MYO18B: variants seen among roughly 807,000 people sequenced by gnomAD.
The protein encoded by MYO18B is myosin XVIIIB.
MYO18B carries 204 observed loss-of-function variants against 273.0 expected under a neutral mutation model. The observed-to-expected ratio is 0.75, with a 90% CI of 0.67 to 0.84. MYO18B has a LOEUF of 0.84. MYO18B is among the 40% of genes least tolerant of loss of function. The pLI is 0.00. For missense variants in MYO18B, 3,212 were observed against 3,287.6 expected, an observed-to-expected ratio of 0.98 and a Z score of 0.56; for synonymous variants, 1,330 against 1,305.7, an observed-to-expected ratio of 1.02 and a Z score of -0.40.
Position 25,772,383 on chromosome 22 carries a change from G to T in MYO18B, c.1742G>T (p.Ser581Ile), listed in dbSNP as rs779936983. 1 of 1,614,000 alleles carries T rather than the reference G, an allele frequency of 6.2e-7. No homozygotes were observed. Among genetic ancestry groups the T allele is most frequent in the South Asian group, 1.1e-5 (1 of 91,082 alleles). ...GTCGAGGACCTGGCCTCTCTCATCA[G>T]TGTCAACGAATCCAGTGTCCTGAAC... is the stretch of plus-strand genomic sequence containing the variant. ...DQVEDLASLISVNESSVLNTL... is the reference protein window; with the variant it reads ...DQVEDLASLIIVNESSVLNTL... The change falls in exon 7 of 44, where the codon AGT becomes ATT. Residue 581 changes from serine (S) to isoleucine (I), a missense_variant. Physicochemically the swap from Ser to Ile is moderately radical, Grantham distance 142. Coordinates refer to ENST00000335473, the MANE Select transcript of MYO18B (RefSeq NM_032608.7).
chr22:26,028,602 AGAG>A (rs2147032332), intron 43 of MYO18B: 1 of 152,374 alleles, frequency 6.6e-6, no homozygotes, highest in East Asian at 1.9e-4. Flanking sequence ...CAAGGTAAGA[AGAG>A]GAATTCAGGC....
intron 22 of MYO18B, among the ~76,000 whole-genome samples, chr22:25,871,634 C>T (rs1342232612): frequency 6.6e-6 from 1 of 152,104 alleles, no homozygotes; most frequent in Admixed American, 6.5e-5. Context: ...AGCTGCTGGA[C>T]CCATGAAAAG....
At chr22:25,909,619 T>C (rs2092116703) in intron 32 of MYO18B, among the ~76,000 whole-genome samples, 1 of 152,250 alleles carries the variant, frequency 6.6e-6, no homozygotes, top group Non-Finnish European at 1.5e-5. Context: ...GTGTGTGCCC[T>C]GAGCCAGGGC....
At chr22:25,849,423 A>G (rs1293378523) in intron 20 of MYO18B, among the ~76,000 whole-genome samples, 1 of 152,146 alleles carries the variant, frequency 6.6e-6, no homozygotes, top group Non-Finnish European at 1.5e-5. Flanking sequence ...ATAGATTTGT[A>G]TGCATACACA....
chr22:25,948,869 A>G (rs751100428), intron 36 of MYO18B, among the ~76,000 whole-genome samples: 1 of 152,050 alleles, frequency 6.6e-6, no homozygotes, highest in Admixed American at 6.5e-5. Flanking sequence ...TTCCCAGAGT[A>G]GGTGTCATTT....
At chr22:25,997,956 CAA>C (rs1491573828) in intron 40 of MYO18B, among the ~76,000 whole-genome samples, 186 of 139,806 alleles carry the variant, frequency 1.3e-3, no homozygotes, top group African/African-American at 2.9e-3. Flanking sequence ...CACACACACA[CAA>C]ACACACACAC....
chr22:26,048,195 C>T, the MYO18B span, among the ~76,000 whole-genome samples: 13 of 152,024 alleles, frequency 8.6e-5, no homozygotes, highest in Middle Eastern at 3.2e-3. Context: ...TGTCTGTTTC[C>T]GCTACTACTC....
intron 39 of MYO18B, among the ~76,000 whole-genome samples, chr22:25,966,670 G>A (rs185621684): frequency 1.6e-4 from 25 of 152,294 alleles, no homozygotes; most frequent in African/African-American, 6.0e-4. Flanking sequence ...CATGCTCAGA[G>A]AGCTGACAGG....
intron 17 of MYO18B, among the ~76,000 whole-genome samples, chr22:25,839,995 C>G (rs557866662): frequency 6.6e-6 from 1 of 152,294 alleles, no homozygotes; most frequent in East Asian, 1.9e-4. Context: ...TCAGAGGTCA[C>G]CCTTTAGATA....
intron 41 of MYO18B, among the ~76,000 whole-genome samples, chr22:26,003,521 T>C (rs1934163555): frequency 6.6e-6 from 1 of 152,232 alleles, no homozygotes; most frequent in Admixed American, 6.5e-5. Flanking sequence ...TGCCTTCTCA[T>C]GCTACTGTCC....
At chr22:25,993,850 A>C (rs1932945073) in intron 40 of MYO18B, among the ~76,000 whole-genome samples, 1 of 152,164 alleles carries the variant, frequency 6.6e-6, no homozygotes, top group African/African-American at 2.4e-5. Flanking sequence ...AAGGAAAAAA[A>C]CTGGAAGAAA....
At chr22:25,930,327 G>A (rs1169315156) in intron 34 of MYO18B, among the ~76,000 whole-genome samples, 2 of 151,694 alleles carry the variant, frequency 1.3e-5, no homozygotes, top group African/African-American at 2.4e-5. Context: ...TTAAAGGCAG[G>A]GACTGGGGTG....
At chr22:25,839,239 T>C (rs2090011196) in intron 17 of MYO18B, among the ~76,000 whole-genome samples, 1 of 152,034 alleles carries the variant, frequency 6.6e-6, no homozygotes, top group African/African-American at 2.4e-5. Flanking sequence ...TATGTATGAG[T>C]GTGTTTGTAT....
Position 25,823,513 on chromosome 22 carries a change from A to C in MYO18B, c.2530A>C (p.Lys844Gln). The change falls in exon 13 of 44, where the codon AAG becomes CAG. Residue 844 changes from lysine to glutamine, a missense_variant. Physicochemically the swap from Lys to Gln is moderately conservative, Grantham distance 53 (BLOSUM62 1). Coordinates refer to ENST00000335473, the MANE Select transcript of MYO18B (RefSeq NM_032608.7). ...GAAGACKVGR[K>Q]QFMRFEWANY... ...TTTTGTCCCCTTTGCAGTGGGTCGG[A>C]AGCAGTTCATGAGGTTTGAGTGGGC... 1 of 1,613,844 alleles carries C rather than the reference A, an allele frequency of 6.2e-7. No individual in the cohort carries two copies. The highest frequency in any genetic ancestry group is 8.5e-7 in the Non-Finnish European group (1 of 1,179,828).
chr22:25,933,457 A>G (rs2092536181), intron 34 of MYO18B, among the ~76,000 whole-genome samples: 1 of 151,644 alleles, frequency 6.6e-6, no homozygotes, highest in Non-Finnish European at 1.5e-5. Flanking sequence ...CCTTCCACAC[A>G]GGCCTTTTGT....
chr22:25,842,897 T>A (rs2090126423), intron 17 of MYO18B, among the ~76,000 whole-genome samples: 1 of 152,160 alleles, frequency 6.6e-6, no homozygotes, highest in Non-Finnish European at 1.5e-5. Flanking sequence ...TAAACAACAC[T>A]TTGTGATTCG....
At chr22:25,827,243 T>G (rs929437072) in intron 14 of MYO18B, among the ~76,000 whole-genome samples, 1 of 152,076 alleles carries the variant, frequency 6.6e-6, no homozygotes, top group Non-Finnish European at 1.5e-5. Flanking sequence ...CTTGAAGGGG[T>G]AGAACCGAGA....
intron 11 of MYO18B, among the ~76,000 whole-genome samples, chr22:25,788,432 G>C (rs2087493169): frequency 6.6e-6 from 1 of 152,198 alleles, no homozygotes; most frequent in Non-Finnish European, 1.5e-5. Flanking sequence ...TAATGTTTTA[G>C]TATAAGCATG....
chr22:25,867,619 A>ATTTCTTTT (rs2090925877), intron 21 of MYO18B, among the ~76,000 whole-genome samples: 1 of 150,672 alleles, frequency 6.6e-6, no homozygotes, highest in Non-Finnish European at 1.5e-5. Context: ...CAAGACCCTG[A>ATTTCTTTT]TTTCTTTCTT....
Sources: gnomAD v4.1 joint callset for allele counts (sites outside exome capture counted in the v4.1 genomes callset) on GRCh38, gnomAD v4.1.1 for gene constraint, MANE v1.5 for transcripts, NCBI Gene and HGNC (gene_info 2026-07-23, HGNC 2026-07-21) for gene names.